Variants in PTPRA observed in about 807,000 individuals in gnomAD.
PTPRA encodes the protein receptor-type tyrosine-protein phosphatase alpha.
In PTPRA, 25 loss-of-function variants were observed where a neutral mutation model predicts 104.8. The ratio of observed to expected loss-of-function variants is 0.24; its 90% CI spans 0.17 to 0.33. PTPRA has a LOEUF of 0.33. PTPRA is among the 10% of genes least tolerant of loss of function. The pLI, the probability that PTPRA is intolerant of heterozygous loss-of-function variation, is 1.00. For synonymous variants in PTPRA, 323 were observed against 368.9 expected (o/e 0.88, Z 1.43); for missense variants, 765 against 1,015.3 (o/e 0.75, Z 3.35).
intron 2 of PTPRA, among the ~76,000 whole-genome samples, chr20:2,946,451 AAG>A (rs1333438586): frequency 6.6e-6 from 1 of 152,214 alleles, no homozygotes; most frequent in Non-Finnish European, 1.5e-5. Context: ...GATGGGAAGT[AAG>A]AGAGCACATG....
chr20:3,033,072 C>G (rs550147389), intron 20 of PTPRA, among the ~76,000 whole-genome samples: 4 of 152,054 alleles, frequency 2.6e-5, no homozygotes, highest in South Asian at 2.1e-4. Flanking sequence ...GTATACTAGA[C>G]TCGGGCGCTA....
At position 2,954,359 on chromosome 20, in the gene PTPRA, G is replaced by C. The variant is rs192966543; in HGVS notation, c.-7+6335G>C. Reference sequence around the variant, plus strand: ...CTCCCAAAGGGCTGGGATTACAGGCGTGCGCCACCACACCTGGCCCCCAGC... The same window carrying C: ...CTCCCAAAGGGCTGGGATTACAGGCCTGCGCCACCACACCTGGCCCCCAGC... On this transcript the variant is annotated intron_variant, in intron 3 of 23. Transcript: ENST00000399903. Among the ~76,000 whole-genome samples the C allele has an allele frequency of 6.4e-4, 96 of 151,068 alleles. No homozygotes were observed. In the South Asian group the frequency reaches 6.7e-3, roughly 11 times the overall value.
chr20:2,968,026 T>A (rs777574582), intron 5 of PTPRA, among the ~76,000 whole-genome samples: 1 of 152,192 alleles, frequency 6.6e-6, no homozygotes, highest in Non-Finnish European at 1.5e-5. Context: ...TCTCTAGGGC[T>A]ACTACACAGA....
chr20:2,888,774 A>G (rs1222643029), intron 1 of PTPRA, among the ~76,000 whole-genome samples: 2 of 152,208 alleles, frequency 1.3e-5, no homozygotes, highest in East Asian at 3.8e-4. Context: ...TTGTGAAACC[A>G]TGCTGAAATA....
chr20:2,977,345 G>A lies in PTPRA; in HGVS notation c.442+2104G>A, dbSNP rs147675842. Among the ~76,000 whole-genome samples, 244 of 150,848 alleles carry A rather than the reference G, an allele frequency of 1.6e-3. 4 individuals are homozygous for A. The Middle Eastern group carries it at 0.057, about 35-fold the overall frequency. On this transcript the variant is annotated intron_variant, in intron 6 of 23. Transcript: ENST00000399903. ...ATATTTGTAAAGAAGTAGTCCTTGA[G>A]CTACTACTTAAGTCTAGAAAGAGTT...
At chr20:3,028,934 G>A (rs2065278831) in intron 20 of PTPRA, among the ~76,000 whole-genome samples, 3 of 152,186 alleles carry the variant, frequency 2.0e-5, no homozygotes, top group Non-Finnish European at 4.4e-5. Context: ...AGGGTGAAGT[G>A]AGGAGGAATT....
At chr20:2,998,177 CAAA>C (rs11475589) in intron 9 of PTPRA, among the ~76,000 whole-genome samples, 66 of 83,170 alleles carry the variant, frequency 7.9e-4, no homozygotes, top group African/African-American at 2.9e-3. Context: ...GACTCTGTCT[CAAA>C]AAAAAAAAAA....
chr20:3,034,924 G>T lies in PTPRA; in HGVS notation c.1921-661G>T, dbSNP rs1162726910. ...AGACATTGAACAAATTCATTTACCA[G>T]ATACTGAGAGCCTACCATGTGCCAG... On this transcript the variant is annotated intron_variant, in intron 20 of 23. Transcript: ENST00000399903. Among the ~76,000 whole-genome samples, 3 of 152,268 alleles carry T rather than the reference G, an allele frequency of 2.0e-5. No homozygotes were observed. In the East Asian group the frequency reaches 5.8e-4, roughly 29 times the overall value.
intron 11 of PTPRA, among the ~76,000 whole-genome samples, chr20:3,008,741 A>C (rs28557293): frequency 1.0e-4 from 12 of 118,754 alleles, no homozygotes; most frequent in Middle Eastern, 3.9e-3. Flanking sequence ...AAAAAAAAAA[A>C]AAACAAAAAA....
chr20:2,926,565 A>G (rs1470028314), intron 2 of PTPRA, among the ~76,000 whole-genome samples: 1 of 152,164 alleles, frequency 6.6e-6, no homozygotes, highest in African/African-American at 2.4e-5. Context: ...ATTCACAGGA[A>G]CTGAGTAGGG....
chr20:3,036,822 A>T (rs1218639566), intron 22 of PTPRA, among the ~76,000 whole-genome samples: 1 of 152,138 alleles, frequency 6.6e-6, no homozygotes, highest in Non-Finnish European at 1.5e-5. Context: ...GAAAGACAGG[A>T]CTAGAGCTAG....
intron 1 of PTPRA, among the ~76,000 whole-genome samples, chr20:2,921,290 GATCTTTTATTTCCTT>G (rs978997074): frequency 6.9e-6 from 1 of 145,456 alleles, no homozygotes; most frequent in African/African-American, 2.5e-5. Flanking sequence ...CCCATTGTCT[GATCTTTTATTTCCTT>G]AGTACCTGGG....
chr20:2,894,927 C>A (rs1224044585), intron 1 of PTPRA, among the ~76,000 whole-genome samples: 2 of 148,548 alleles, frequency 1.3e-5, no homozygotes, highest in African/African-American at 5.0e-5. Flanking sequence ...GCGGAGCTTG[C>A]AGTGAGCAGA....
chr20:2,920,672 T>G (rs765780464), intron 1 of PTPRA, among the ~76,000 whole-genome samples: 11 of 152,054 alleles, frequency 7.2e-5, no homozygotes, highest in Non-Finnish European at 1.2e-4. Context: ...CATTGTTGAC[T>G]GATGAATCAA....
At chr20:3,002,045 C>A (rs565103204) in intron 9 of PTPRA, among the ~76,000 whole-genome samples, 3 of 152,142 alleles carry the variant, frequency 2.0e-5, no homozygotes, top group African/African-American at 7.2e-5. Flanking sequence ...GAGGCTGAGG[C>A]AGTAGGATAC....
intron 1 of PTPRA, among the ~76,000 whole-genome samples, chr20:2,905,414 G>A (rs6051467): frequency 0.023 from 3,512 of 152,126 alleles, 121 homozygotes; most frequent in African/African-American, 0.068. Flanking sequence ...TCTTGCCTTC[G>A]TCTCTCACTA....
At chr20:3,001,038 T>A (rs1313039069) in intron 9 of PTPRA, among the ~76,000 whole-genome samples, 1 of 152,148 alleles carries the variant, frequency 6.6e-6, no homozygotes, top group Non-Finnish European at 1.5e-5. Context: ...AAAAAATGAA[T>A]GAGTACTTAG....
At chr20:2,913,721 G>C (rs1016361380) in intron 1 of PTPRA, among the ~76,000 whole-genome samples, 4 of 152,146 alleles carry the variant, frequency 2.6e-5, no homozygotes, top group African/African-American at 7.2e-5. Flanking sequence ...TTTTCTTGAT[G>C]TTAACCTTGG....
rs1277294545 is a variant in PTPRA, at chr20:2,873,827, G to A, written c.-129+67G>A. The A allele has an allele frequency of 6.6e-6, 1 of 152,174 alleles. No homozygotes were observed. Among genetic ancestry groups the A allele is most frequent in the Non-Finnish European group, 1.5e-5 (1 of 68,046 alleles). 9.4% of individuals were successfully genotyped at this position (152,174 alleles called of 1,614,324 possible). A position where few individuals can be genotyped will look rare whatever the true frequency, so the allele number is the denominator to read the frequency against. On this transcript the variant is annotated intron_variant, in intron 1 of 23. Coordinates refer to ENST00000399903, the MANE Select transcript of PTPRA (RefSeq NM_001385305.1). This position sits in a 1 kb window ranked among gnomAD's most constrained non-coding sequence, Gnocchi z 4.4. ...GGGGAGCGGCTCCCGGGGGCGGTGG[G>A]AGGGGTCCCGGGCCACAGCCCAGAG...
Sources: allele counts gnomAD v4.1 joint callset (sites outside exome capture counted in the v4.1 genomes callset), GRCh38; gene constraint gnomAD v4.1.1; non-coding constraint Gnocchi (gnomAD v3.1); transcripts MANE v1.5; gene names NCBI Gene and HGNC (gene_info 2026-07-23, HGNC 2026-07-21).